NKTR: variants seen among roughly 807,000 people sequenced by gnomAD.
The protein encoded by NKTR is NK-tumor recognition protein.
A neutral mutation model predicts 156.3 loss-of-function variants in NKTR; 67 were observed. The ratio of observed to expected loss-of-function variants is 0.43; its 90% CI spans 0.35 to 0.53. The LOEUF (loss-of-function observed/expected upper bound fraction) is 0.53, where lower values mean the gene tolerates loss of function less well. NKTR is among the 20% of genes least tolerant of loss of function. The probability of loss-of-function intolerance (pLI) is 0.01; values close to 1 mark genes in which losing one functional copy is unlikely to be tolerated. For synonymous variants in NKTR, 640 were observed against 596.6 expected (o/e 1.07, Z -1.06); for missense variants, 1,604 against 1,730.9 (o/e 0.93, Z 1.30).
chr3:42,610,275 G>A (rs1348071576), intron 2 of NKTR, among the ~76,000 whole-genome samples: 2 of 152,068 alleles, frequency 1.3e-5, no homozygotes, highest in Non-Finnish European at 2.9e-5. Context: ...CAAAGTGCTG[G>A]GATTATAGGC....
At chr3:42,643,727 G>T (rs746166905) in intron 15 of NKTR, 175 bp from the exon 16 acceptor site, 76 of 687,092 alleles carry the variant, frequency 1.1e-4, no homozygotes, top group Middle Eastern at 4.7e-4. Context: ...ATTATGGTAA[G>T]TCTCATTTGG....
Position 42,637,237 on chromosome 3 carries a change from A to T in NKTR, c.1533A>T (p.Leu511Phe). Residue 511 changes from leucine (L) to phenylalanine (F), a missense_variant, in exon 13 of 17, where the codon TTA (leucine) becomes TTT (phenylalanine). Physicochemically the swap from Leu to Phe is conservative, Grantham distance 22. Around this residue, in one of 6 missense-constraint regions of NKTR, gnomAD observed 1,255 missense variants for 1,243.7 expected, o/e 1.01. Coordinates refer to ENST00000232978, the MANE Select transcript of NKTR (RefSeq NM_005385.4). ...CTGATAAGGATGTCCAGAGCTCTTT[A>T]ACCCATTCCAGCAGAGACTCATACA... ...SKSDKDVQSS[L>F]THSSRDSYRS... The T allele has an allele frequency of 6.2e-7, 1 of 1,611,914 alleles. No homozygotes were observed. Among genetic ancestry groups the T allele is most frequent in the Non-Finnish European group, 8.5e-7 (1 of 1,179,390 alleles).
At position 42,637,824 on chromosome 3, in the gene NKTR, C is replaced by A; in HGVS notation, c.2120C>A (p.Thr707Lys). Residue 707 changes from threonine to lysine, a missense_variant, in exon 13 of 17, where the codon ACA (threonine) becomes AAA (lysine). Physicochemically the swap from Thr to Lys is moderately conservative, Grantham distance 78. Coordinates refer to ENST00000232978, the MANE Select transcript of NKTR (RefSeq NM_005385.4). Reference sequence around the variant, plus strand: ...AGTAGATCTTATTCCAGATCATATACAAGATCACGTAGTCTAGCTAGTTCA... The same window carrying A: ...AGTAGATCTTATTCCAGATCATATAAAAGATCACGTAGTCTAGCTAGTTCA... ...SRSRSYSRSY[T>K]RSRSLASSHS... is the part of the protein sequence containing the mutation. 6.2e-7 allele frequency: 1 copy of A among 1,613,776 alleles called. No homozygotes were observed.
chr3:42,608,083 G>A (rs565563918), intron 2 of NKTR, among the ~76,000 whole-genome samples: 160 of 138,498 alleles, frequency 1.2e-3, no homozygotes, highest in Non-Finnish European at 2.0e-3. Context: ...TCCGCCTCCC[G>A]GGTTCAAGAG....
At chr3:42,601,305 C>A in intron 2 of NKTR, 1 of 366,252 alleles carries the variant, frequency 2.7e-6, no homozygotes, top group South Asian at 6.3e-5. Context: ...CGGACTGAGT[C>A]CTCGTAGCCA....
intron 6 of NKTR, chr3:42,628,572 A>G (rs1447561030): frequency 1.0e-6 from 1 of 985,244 alleles, no homozygotes; most frequent in East Asian, 1.1e-4. Flanking sequence ...TTTCCCCAAT[A>G]CTGCAGGATC....
At chr3:42,603,732 CTT>C (rs11315714) in intron 2 of NKTR, among the ~76,000 whole-genome samples, 165 of 116,658 alleles carry the variant, frequency 1.4e-3, no homozygotes, top group African/African-American at 4.2e-3. Context: ...TTTTACACAA[CTT>C]TTTTTTTTTT....
Position 42,637,728 on chromosome 3 carries a change from A to C in NKTR, c.2024A>C (p.Gln675Pro). 6.2e-7 allele frequency: 1 copy of C among 1,614,076 alleles called. No individual in the cohort carries two copies. The highest frequency in any genetic ancestry group is 8.5e-7 in the Non-Finnish European group (1 of 1,179,976). ...AGAGAAAAAAATTCGGAAAGTGATC[A>C]GAGCACTTATTCAAAATACAGTGAT... Reference protein sequence around the residue: ...HKREKNSESDQSTYSKYSDRS... With the variant: ...HKREKNSESDPSTYSKYSDRS... The change falls in exon 13 of 17, where the codon CAG becomes CCG. Residue 675 changes from glutamine to proline, a missense_variant. By Grantham distance (76) the Gln-to-Pro change is moderately conservative. Coordinates refer to ENST00000232978, the MANE Select transcript of NKTR (RefSeq NM_005385.4).
intron 2 of NKTR, chr3:42,611,095 A>G (rs905958873): frequency 2.6e-5 from 4 of 152,184 alleles, no homozygotes; most frequent in Admixed American, 2.6e-4. Flanking sequence ...CACTTTTTGC[A>G]TTGTCAGACC....
At chr3:42,606,107 A>G (rs1389032847) in intron 2 of NKTR, among the ~76,000 whole-genome samples, 2 of 152,194 alleles carry the variant, frequency 1.3e-5, no homozygotes, top group East Asian at 3.8e-4. Flanking sequence ...AGTGCTGGGA[A>G]TGGAGGCAGA....
At chr3:42,644,116 C>A in intron 16 of NKTR, 113 bp downstream of exon 16, 3 of 627,708 alleles carry the variant, frequency 4.8e-6, no homozygotes, top group South Asian at 2.1e-5. Flanking sequence ...CTTCCAAGGA[C>A]AGAAATACTT....
Position 42,648,094 on chromosome 3 carries a change from T to G in NKTR, c.*2119T>G, listed in dbSNP as rs1049350559. 6 of 152,244 alleles carry G rather than the reference T, an allele frequency of 3.9e-5. No individual in the cohort carries two copies. Among genetic ancestry groups the G allele is most frequent in the Non-Finnish European group, 8.8e-5 (6 of 68,058 alleles). 9.4% of individuals were successfully genotyped at this position (152,244 alleles called of 1,614,324 possible). A position where few individuals can be genotyped will look rare whatever the true frequency, so the allele number is the denominator to read the frequency against. On this transcript the variant is annotated 3_prime_UTR_variant, in exon 17 of 17. Transcript: ENST00000232978. ...CTGCATTCCTTCTTATGTGGTCCCC[T>G]CCAGCTTCAAACCAGCCTTCCTGCT...
Position 42,639,391 on chromosome 3 carries a change from G to C in NKTR, c.3687G>C (p.Leu1229=). 2 of 1,614,072 alleles carry C rather than the reference G, an allele frequency of 1.2e-6. No individual in the cohort carries two copies. Among genetic ancestry groups the C allele is most frequent in the Non-Finnish European group, 1.7e-6 (2 of 1,179,946 alleles). The change falls in exon 13 of 17, where the codon CTG becomes CTC. Residue 1229 remains leucine (L), a synonymous_variant. Transcript: ENST00000232978. The part of the protein sequence containing the change: ...INLIDKKWKP[L]QGVGNLAAPN... ...TCATTGATAAGAAATGGAAGCCCCT[G>C]CAAGGTGTGGGGAACCTGGCAGCAC...
chr3:42,620,784 A>G, intron 5 of NKTR: 1 of 985,070 alleles, frequency 1.0e-6, no homozygotes, highest in Non-Finnish European at 1.2e-6. Flanking sequence ...CTAATGCTGT[A>G]GGCCACTTTG....
chr3:42,629,251 A>G (rs970887481), intron 6 of NKTR: 6 of 978,696 alleles, frequency 6.1e-6, no homozygotes, highest in African/African-American at 3.5e-5. Context: ...TTTTATTTTT[A>G]TAATTACATT....
intron 13 of NKTR, 97 bp from the exon 14 acceptor site, chr3:42,642,404 C>G (rs1432564192): frequency 8.1e-6 from 7 of 859,882 alleles, no homozygotes; most frequent in Non-Finnish European, 9.5e-6. Flanking sequence ...GGCCTTTCTT[C>G]TTGTTGTGTT....
chr3:42,645,847 A>C (rs1395702356), intron 16 of NKTR, 41 bp from the exon 17 acceptor site: 1 of 1,393,024 alleles, frequency 7.2e-7, no homozygotes, highest in Non-Finnish European at 1.0e-6. Context: ...CAAAGATTTT[A>C]CAGTTACAAG....
intron 13 of NKTR, among the ~76,000 whole-genome samples, chr3:42,641,287 A>G (rs758225026): frequency 5.9e-5 from 9 of 152,318 alleles, no homozygotes; most frequent in Middle Eastern, 3.4e-3. Context: ...TTATTAGAAC[A>G]TAACGTATTC....
intron 6 of NKTR, chr3:42,629,922 G>GA (rs1577524390): frequency 1.0e-6 from 1 of 985,320 alleles, no homozygotes; most frequent in African/African-American, 1.7e-5. Flanking sequence ...TTTGCTGTCA[G>GA]AAGGGATGGC....
Sources: allele counts gnomAD v4.1 joint callset (sites outside exome capture counted in the v4.1 genomes callset), GRCh38; gene constraint gnomAD v4.1.1; regional missense constraint gnomAD v4.1.1; transcripts MANE v1.5; gene names NCBI Gene and HGNC (gene_info 2026-07-23, HGNC 2026-07-21).